TSPAN32: variants seen among roughly 807,000 people sequenced by gnomAD.
TSPAN32 encodes the protein tetraspanin-32.
Under a neutral mutation model 42.7 loss-of-function variants are expected in TSPAN32, and 47 were observed. That is an observed-to-expected ratio of 1.10 (90% CI 0.87 to 1.40). TSPAN32 has a LOEUF of 1.40. Ranked by LOEUF, TSPAN32 falls within the 40% of genes most tolerant of loss-of-function variation. TSPAN32 has a pLI of 0.00. For synonymous variants in TSPAN32, 175 were observed against 175.9 expected (o/e 0.99, Z 0.04); for missense variants, 469 against 424.1 (o/e 1.11, Z -0.93).
At chr11:2,308,892 G>A (rs1450323690) in intron 4 of TSPAN32, 82 bp downstream of exon 4, 1 of 941,658 alleles carries the variant, frequency 1.1e-6, no homozygotes, top group Non-Finnish European at 1.6e-6. Flanking sequence ...AGCAGTCCTG[G>A]GAGGAGCAGC....
rs1848901050 is a variant in TSPAN32 at position 2,317,943 on chromosome 11, T to A, written c.*19T>A. On this transcript the variant is annotated 3_prime_UTR_variant, in exon 10 of 10. Transcript: ENST00000182290. The surrounding 1 kb of genome is among the most constrained non-coding windows in gnomAD (Gnocchi z 6.2). Reference sequence around the variant, plus strand: ...AGACTGACGTCAGGCCTTGGTGGGCTGCACTCTCACCTGGAGGCTCCGGGG... The same window carrying A: ...AGACTGACGTCAGGCCTTGGTGGGCAGCACTCTCACCTGGAGGCTCCGGGG... The A allele has an allele frequency of 2.2e-6, 2 of 903,984 alleles. No individual in the cohort carries two copies. Among genetic ancestry groups the A allele is most frequent in the South Asian group, 2.6e-5 (2 of 76,732 alleles). The allele number at this position is 903,984 out of a possible 1,614,324, so 56.0% of individuals were successfully genotyped here.
At chr11:2,311,141 C>G (rs997585299) in intron 4 of TSPAN32, among the ~76,000 whole-genome samples, 7 of 152,204 alleles carry the variant, frequency 4.6e-5, no homozygotes, top group Admixed American at 1.3e-4. Context: ...CAGGGTGACT[C>G]ATGTGGTGCC....
Position 2,317,403 on chromosome 11 carries a change from C to T in TSPAN32, c.779C>T (p.Thr260Ile), listed in dbSNP as rs144063439. The change falls in exon 9 of 10, where the codon ACA becomes ATA. Residue 260 changes from threonine (T) to isoleucine (I), a missense_variant. By Grantham distance (89) the Thr-to-Ile change is moderately conservative (BLOSUM62 -1). Transcript: ENST00000182290. This position sits in a 1 kb window ranked among gnomAD's most constrained non-coding sequence, Gnocchi z 6.2. ...SLLRCSQGGP[T>I]HCLHSEAVAI... ...TTGAGATGCTCCCAGGGTGGACCCA[C>T]ACATTGTCTCCACTCCGAAGCAGTT... 39 of 1,600,886 alleles carry T rather than the reference C, an allele frequency of 2.4e-5. No homozygotes were observed. The African/African-American group carries it at 5.1e-4, about 21-fold the overall frequency.
intron 6 of TSPAN32, 157 bp from the exon 7 acceptor site, chr11:2,316,071 AG>A: frequency 5.2e-6 from 8 of 1,533,910 alleles, no homozygotes; most frequent in Non-Finnish European, 7.0e-6. Flanking sequence ...GCCTTTCCCT[AG>A]AGCCCTGGGG....
chr11:2,305,528 T>TG (rs1268796888), intron 3 of TSPAN32, among the ~76,000 whole-genome samples: 2 of 152,224 alleles, frequency 1.3e-5, no homozygotes, highest in African/African-American at 2.4e-5. Context: ...GCCATGGTGC[T>TG]GGGCTTGAGG....
At chr11:2,302,804 C>G (rs768551041) in intron 1 of TSPAN32, 40 bp from the exon 2 acceptor site, 10 of 1,560,664 alleles carry the variant, frequency 6.4e-6, no homozygotes. Context: ...GCTCCTGCAG[C>G]AGTCCCATGC....
chr11:2,302,730 T>C (rs1201492838), intron 1 of TSPAN32, 114 bp from the exon 2 acceptor site: 2 of 809,162 alleles, frequency 2.5e-6, no homozygotes, highest in Non-Finnish European at 4.0e-6. Context: ...CAGCTGAGCC[T>C]GTCTCTCACG....
In TSPAN32 at chr11:2,317,479, C is replaced by T. The variant is rs191438651; in HGVS notation, c.855C>T (p.Ser285=). ...GTAGTCTTCGGTGGCTGCAGGAGAGCGATGCTGCGCCTCTGCCCCTCTCCT... is the reference window on the plus strand; with the variant it reads ...GTAGTCTTCGGTGGCTGCAGGAGAGTGATGCTGCGCCTCTGCCCCTCTCCT... ...CSGSLRWLQE[S]DAAPLPLSCH... The change falls in exon 9 of 10, where the codon AGC becomes AGT. Residue 285 remains serine (S), a synonymous_variant. Coordinates refer to ENST00000182290, the MANE Select transcript of TSPAN32 (RefSeq NM_139022.3). This position sits in a 1 kb window ranked among gnomAD's most constrained non-coding sequence, Gnocchi z 6.2. The T allele has an allele frequency of 1.6e-4, 262 of 1,597,702 alleles. No homozygotes were observed. The Middle Eastern group carries it at 1.7e-3, about 10-fold the overall frequency.
intron 6 of TSPAN32, chr11:2,315,452 C>T (rs1564966671): frequency 1.8e-6 from 2 of 1,132,492 alleles, no homozygotes; most frequent in Non-Finnish European, 2.2e-6. Context: ...AGGCCCCCGA[C>T]TGAAAAGCAG....
chr11:2,315,479 C>G (rs879391209), intron 6 of TSPAN32: 5 of 1,141,872 alleles, frequency 4.4e-6, no homozygotes, highest in Non-Finnish European at 5.4e-6. Flanking sequence ...GGGCCTGCCT[C>G]GAGCACCCTT....
At chr11:2,308,303 C>T (rs992760481) in intron 3 of TSPAN32, among the ~76,000 whole-genome samples, 8 of 152,186 alleles carry the variant, frequency 5.3e-5, no homozygotes, top group East Asian at 3.9e-4. Context: ...ACCCACACCT[C>T]GACCAAGCAT....
intron 4 of TSPAN32, chr11:2,309,977 C>T (rs1332703676): frequency 6.5e-6 from 1 of 153,192 alleles, no homozygotes; most frequent in Non-Finnish European, 1.5e-5. Context: ...GGGAGAAACA[C>T]CATTTTATCA....
In TSPAN32 at chr11:2,302,987, G is replaced by A. The variant is rs113860812; in HGVS notation, c.181+29G>A. 268 of 1,591,312 alleles carry A rather than the reference G, an allele frequency of 1.7e-4. No homozygotes were observed. The African/African-American group carries it at 2.5e-3, about 15-fold the overall frequency. ...AGTGAGGTCCAGGCCTGGCTGCATC[G>A]GGAGGGGCCTCGGGTGCAAGGGTGG... On this transcript the variant is annotated intron_variant, in intron 2 of 9. Transcript: ENST00000182290.
In TSPAN32 at chr11:2,317,485, T is replaced by C; in HGVS notation, c.861T>C (p.Ala287=). ...TTCGGTGGCTGCAGGAGAGCGATGC[T>C]GCGCCTCTGCCCCTCTCCTGCCACC... ...GSLRWLQESD[A]APLPLSCHLA... Residue 287 remains alanine (A), a synonymous_variant, in exon 9 of 10, where the codon GCT becomes GCC. Transcript: ENST00000182290. The surrounding 1 kb of genome is among the most constrained non-coding windows in gnomAD (Gnocchi z 6.2). 1 of 1,595,912 alleles carries C rather than the reference T, an allele frequency of 6.3e-7. No individual in the cohort carries two copies. Among genetic ancestry groups the C allele is most frequent in the South Asian group, 1.1e-5 (1 of 88,502 alleles).
intron 3 of TSPAN32, among the ~76,000 whole-genome samples, chr11:2,305,675 C>T (rs554176302): frequency 7.2e-4 from 109 of 152,342 alleles, no homozygotes; most frequent in African/African-American, 2.5e-3. Flanking sequence ...AGCACCTGGG[C>T]TCAGGTTCTG....
chr11:2,314,633 C>A, intron 6 of TSPAN32, 62 bp downstream of exon 6: 2 of 1,383,640 alleles, frequency 1.4e-6, no homozygotes, highest in Non-Finnish European at 2.0e-6. Flanking sequence ...CCCTGGGGCC[C>A]AACCCCAAGA....
Position 2,302,092 on chromosome 11 carries a change from C to T in TSPAN32, c.-58C>T. 1 of 1,487,362 alleles carries T rather than the reference C, an allele frequency of 6.7e-7. No individual in the cohort carries two copies. The highest frequency in any genetic ancestry group is 1.4e-5 in the African/African-American group (1 of 70,852). The allele number at this position is 1,487,362 out of a possible 1,614,324, so 92.1% of individuals were successfully genotyped here. ...TGAGCTGCGGTCTGAGGCCCCTGCC[C>T]AGCTGGAAACCACAGGGAGGGGAAG... On this transcript the variant is annotated 5_prime_UTR_variant, in exon 1 of 10. Transcript: ENST00000182290.
chr11:2,317,568 G>A lies in TSPAN32; in HGVS notation c.901+43G>A, dbSNP rs768282879. On this transcript the variant is annotated intron_variant, in intron 9 of 9. Transcript: ENST00000182290. This position sits in a 1 kb window ranked among gnomAD's most constrained non-coding sequence, Gnocchi z 6.2. ...GTCAGCCCTCATGGGATCCCTGAGG[G>A]GAGGGTCCGAGCTGTGAGGAGGGAA... 3.2e-6 allele frequency: 5 copies of A among 1,539,724 alleles called. No homozygotes were observed. The African/African-American group carries it at 4.1e-5, about 13-fold the overall frequency.
At chr11:2,309,157 T>C (rs889103920) in intron 4 of TSPAN32, among the ~76,000 whole-genome samples, 7 of 152,122 alleles carry the variant, frequency 4.6e-5, no homozygotes, top group African/African-American at 1.7e-4. Context: ...GGAAAGCCAC[T>C]GGCTTGGCCT....
Sources: gnomAD v4.1 joint callset for allele counts (sites outside exome capture counted in the v4.1 genomes callset) on GRCh38, gnomAD v4.1.1 for gene constraint, Gnocchi (gnomAD v3.1) non-coding constraint, MANE v1.5 for transcripts, NCBI Gene and HGNC (gene_info 2026-07-23, HGNC 2026-07-21) for gene names.